Variants in TMEM87A observed in about 807,000 individuals in gnomAD.
TMEM87A encodes Golgi-pH regulating cation channel.
In TMEM87A, 50 loss-of-function variants were observed where a neutral mutation model predicts 90.0. That is an observed-to-expected ratio of 0.56 (90% CI 0.44 to 0.70). The LOEUF is 0.70. TMEM87A is among the 30% of genes least tolerant of loss of function. The probability of loss-of-function intolerance (pLI) is 0.00; values close to 1 mark genes in which losing one functional copy is unlikely to be tolerated. For synonymous variants in TMEM87A, 226 were observed against 226.7 expected, an observed-to-expected ratio of 1.00 and a Z score of 0.03; for missense variants, 577 against 660.5, an observed-to-expected ratio of 0.87 and a Z score of 1.39.
At chr15:42,240,323 A>T (rs2050846685) in intron 7 of TMEM87A, among the ~76,000 whole-genome samples, 1 of 152,226 alleles carries the variant, frequency 6.6e-6, no homozygotes, top group Non-Finnish European at 1.5e-5. Context: ...AAAAAAATAT[A>T]CCATCCCTCA....
intron 13 of TMEM87A, 120 bp from the exon 14 acceptor site, chr15:42,227,889 T>G (rs1187786894): frequency 2.6e-6 from 2 of 773,366 alleles, no homozygotes; most frequent in African/African-American, 1.7e-5. Context: ...ACATCACAAC[T>G]CTATCAGTTA....
At chr15:42,255,153 G>A (rs1330519364) in intron 6 of TMEM87A, among the ~76,000 whole-genome samples, 1 of 151,518 alleles carries the variant, frequency 6.6e-6, no homozygotes, top group Non-Finnish European at 1.5e-5. Flanking sequence ...TTTTTTTTAA[G>A]ACGGAGTTTT....
chr15:42,217,229 C>T (rs1374245034), intron 19 of TMEM87A, among the ~76,000 whole-genome samples: 2 of 152,192 alleles, frequency 1.3e-5, no homozygotes, highest in Non-Finnish European at 1.5e-5. Flanking sequence ...GCTGGGATTA[C>T]AGGCATGAGC....
intron 6 of TMEM87A, among the ~76,000 whole-genome samples, chr15:42,249,678 GTACTT>G (rs1295803010): frequency 6.6e-6 from 1 of 152,198 alleles, no homozygotes; most frequent in African/African-American, 2.4e-5. Context: ...TTGTTGATGA[GTACTT>G]TACTTCCAAC....
At position 42,227,792 on chromosome 15, in the gene TMEM87A, G is replaced by A. The variant is rs374725990; in HGVS notation, c.1241-23C>T. On this transcript the variant is annotated intron_variant, in intron 13 of 19. Transcript: ENST00000389834. ...ATGCTAACAGTAAATGAAAAACCAG[G>A]TCAGAGTATGAATGCTGGTTTACAT... The A allele has an allele frequency of 5.0e-6, 8 of 1,610,280 alleles. No homozygotes were observed. In the East Asian group the frequency reaches 1.8e-4, roughly 36 times the overall value.
chr15:42,243,809 C>G (rs2050919247), intron 7 of TMEM87A, among the ~76,000 whole-genome samples: 1 of 151,994 alleles, frequency 6.6e-6, no homozygotes, highest in Non-Finnish European at 1.5e-5. Flanking sequence ...CATGAGCCAC[C>G]GCGCCCGGCC....
chr15:42,239,793 C>T (rs1264287257), intron 7 of TMEM87A, 62 bp from the exon 8 acceptor site: 12 of 1,371,054 alleles, frequency 8.8e-6, no homozygotes, highest in Non-Finnish European at 1.3e-5. Context: ...AAAATATTGC[C>T]TAATATTTGT....
At chr15:42,254,305 T>C (rs1357493192) in intron 6 of TMEM87A, among the ~76,000 whole-genome samples, 2 of 152,184 alleles carry the variant, frequency 1.3e-5, no homozygotes, top group Non-Finnish European at 2.9e-5. Context: ...ATGCAATTGT[T>C]ACAAAACTAA....
chr15:42,229,175 A>C (rs941747224), intron 12 of TMEM87A, among the ~76,000 whole-genome samples: 1 of 151,654 alleles, frequency 6.6e-6, no homozygotes, highest in African/African-American at 2.4e-5. Flanking sequence ...GCTAATTTTT[A>C]AATTTTTTTG....
chr15:42,212,279 C>T (rs1408818450), intron 19 of TMEM87A, among the ~76,000 whole-genome samples: 1 of 152,106 alleles, frequency 6.6e-6, no homozygotes, highest in Non-Finnish European at 1.5e-5. Context: ...ATGTACTACC[C>T]TTAAATTTCC....
chr15:42,259,071 C>T, intron 6 of TMEM87A: 1 of 691,298 alleles, frequency 1.4e-6, no homozygotes, highest in Non-Finnish European at 2.6e-6. Flanking sequence ...AAACCAAAGT[C>T]CCTGAAACTG....
At chr15:42,252,142 T>C (rs1229599708) in intron 6 of TMEM87A, among the ~76,000 whole-genome samples, 1 of 152,166 alleles carries the variant, frequency 6.6e-6, no homozygotes, top group Non-Finnish European at 1.5e-5. Flanking sequence ...GTTTTCCCAG[T>C]ACAGTCTGTC....
intron 6 of TMEM87A, among the ~76,000 whole-genome samples, chr15:42,250,622 C>G (rs2051066710): frequency 6.6e-6 from 1 of 152,130 alleles, no homozygotes; most frequent in Non-Finnish European, 1.5e-5. Context: ...AGTCTGATGG[C>G]CTTCCCTTTG....
chr15:42,218,382 G>A lies in TMEM87A; in HGVS notation c.1540-4C>T. The A allele has an allele frequency of 6.2e-7, 1 of 1,613,284 alleles. No homozygotes were observed. Among genetic ancestry groups the A allele is most frequent in the Non-Finnish European group, 8.5e-7 (1 of 1,179,576 alleles). Reference sequence around the variant, plus strand: ...CCCACTTCAAATCATCTTCCTGCTGGGAACATACAAATACCACTCATTACT... The same window carrying A: ...CCCACTTCAAATCATCTTCCTGCTGAGAACATACAAATACCACTCATTACT... On this transcript the variant is annotated splice_region_variant and splice_polypyrimidine_tract_variant and intron_variant, in intron 17 of 19. Coordinates refer to ENST00000389834, the MANE Select transcript of TMEM87A (RefSeq NM_015497.5).
chr15:42,273,059 T>C, intron 1 of TMEM87A, 196 bp downstream of exon 1: 2 of 708,852 alleles, frequency 2.8e-6, no homozygotes, highest in Non-Finnish European at 2.4e-6. Context: ...GCCCTTACAT[T>C]CCCGCTAGCC....
chr15:42,269,672 C>A (rs1479210529), intron 2 of TMEM87A, among the ~76,000 whole-genome samples: 1 of 152,004 alleles, frequency 6.6e-6, no homozygotes, highest in African/African-American at 2.4e-5. Context: ...CGCGGTGGCT[C>A]ACGCCTGTAA....
intron 10 of TMEM87A, among the ~76,000 whole-genome samples, chr15:42,235,572 A>G (rs2050755061): frequency 6.6e-6 from 1 of 152,166 alleles, no homozygotes; most frequent in Non-Finnish European, 1.5e-5. Context: ...CTTTCCTATC[A>G]TACATCTGAT....
intron 15 of TMEM87A, among the ~76,000 whole-genome samples, chr15:42,226,245 C>A (rs918532803): frequency 2.0e-5 from 3 of 152,002 alleles, no homozygotes; most frequent in Admixed American, 1.3e-4. Context: ...GGTGATCCAA[C>A]TGCCTTGGCC....
intron 7 of TMEM87A, 22 bp downstream of exon 7, chr15:42,244,027 AT>A (rs747493511): frequency 7.1e-7 from 1 of 1,407,894 alleles, no homozygotes; most frequent in African/African-American, 1.5e-5. Context: ...TAACATAACC[AT>A]TAAAAAAAAA....
Sources: allele counts gnomAD v4.1 joint callset (sites outside exome capture counted in the v4.1 genomes callset), GRCh38; gene constraint gnomAD v4.1.1; transcripts MANE v1.5; gene names NCBI Gene and HGNC (gene_info 2026-07-23, HGNC 2026-07-21).